THOC5: variants seen among roughly 807,000 people sequenced by gnomAD.
The protein encoded by THOC5 is THO complex subunit 5.
In THOC5, 43 loss-of-function variants were observed where a neutral mutation model predicts 92.9. The ratio of observed to expected loss-of-function variants is 0.46; its 90% CI spans 0.36 to 0.60. The LOEUF is 0.60. Among genes scored for constraint, THOC5 ranks in the 20% least tolerant of loss-of-function variants. The probability of loss-of-function intolerance (pLI) is 0.00; values close to 1 mark genes in which losing one functional copy is unlikely to be tolerated. For missense variants in THOC5, 659 were observed against 849.4 expected (o/e 0.78, Z 2.79); for synonymous variants, 296 against 320.1 (o/e 0.92, Z 0.80).
chr22:29,549,244 T>C (rs774044242), intron 1 of THOC5, 86 bp from the exon 2 acceptor site: 1 of 1,212,998 alleles, frequency 8.2e-7, no homozygotes, highest in South Asian at 1.3e-5. Context: ...ACAGACTTGG[T>C]AACTCAAGGA....
chr22:29,541,500 C>T (rs1307521650), intron 5 of THOC5, among the ~76,000 whole-genome samples: 1 of 126,958 alleles, frequency 7.9e-6, no homozygotes, highest in East Asian at 2.6e-4. Context: ...GAGTGAGACC[C>T]TGTCTCAAAA....
intron 18 of THOC5, 153 bp from the exon 19 acceptor site, chr22:29,511,449 G>C (rs907601096): frequency 2.8e-6 from 2 of 723,326 alleles, no homozygotes; most frequent in South Asian, 3.9e-5. Context: ...AGACTGGCTT[G>C]TCCTCAGGCC....
intron 12 of THOC5, among the ~76,000 whole-genome samples, chr22:29,522,865 G>C (rs1183121671): frequency 6.6e-6 from 1 of 152,116 alleles, no homozygotes; most frequent in Non-Finnish European, 1.5e-5. Flanking sequence ...GCCCAGCATG[G>C]TGGCACGCGC....
chr22:29,529,024 G>A (rs2063600479), intron 9 of THOC5, 138 bp downstream of exon 9: 2 of 820,338 alleles, frequency 2.4e-6, no homozygotes, highest in African/African-American at 1.7e-5. Context: ...TCTCTTTCCT[G>A]TCTACTCCAG....
At chr22:29,510,381 G>C (rs2063201284) in intron 19 of THOC5, among the ~76,000 whole-genome samples, 1 of 152,210 alleles carries the variant, frequency 6.6e-6, no homozygotes, top group Non-Finnish European at 1.5e-5. Flanking sequence ...CTGATCACTT[G>C]AGCCTAGGAG....
At chr22:29,547,220 G>T (rs1260680466) in intron 2 of THOC5, among the ~76,000 whole-genome samples, 1 of 152,122 alleles carries the variant, frequency 6.6e-6, no homozygotes, top group Admixed American at 6.5e-5. Flanking sequence ...CAAGTTCAAA[G>T]TTCCACAAAT....
intron 2 of THOC5, among the ~76,000 whole-genome samples, chr22:29,548,281 C>T (rs950600938): frequency 2.0e-5 from 3 of 152,070 alleles, no homozygotes; most frequent in Admixed American, 6.6e-5. Flanking sequence ...CAGCTGGGTG[C>T]GGGGTGGCTC....
intron 12 of THOC5, among the ~76,000 whole-genome samples, chr22:29,524,023 T>C (rs1266555328): frequency 6.6e-6 from 1 of 152,228 alleles, no homozygotes; most frequent in African/African-American, 2.4e-5. Flanking sequence ...GGTTGTATGC[T>C]CCCTGGACCT....
At chr22:29,520,962 G>C (rs2063429686) in intron 13 of THOC5, 36 bp downstream of exon 13, 1 of 1,531,226 alleles carries the variant, frequency 6.5e-7, no homozygotes, top group African/African-American at 1.4e-5. Context: ...AAACTCAGAA[G>C]TAGAGAGCTC....
chr22:29,515,509 T>C (rs552274310), intron 17 of THOC5, among the ~76,000 whole-genome samples: 5 of 152,230 alleles, frequency 3.3e-5, no homozygotes, highest in African/African-American at 1.2e-4. Flanking sequence ...GAGGTATGCC[T>C]GTACTTTATG....
At chr22:29,538,266 G>A (rs1246193902) in intron 6 of THOC5, among the ~76,000 whole-genome samples, 2 of 152,182 alleles carry the variant, frequency 1.3e-5, no homozygotes, top group Admixed American at 6.5e-5. Flanking sequence ...ACAGACGTGA[G>A]CCACCTCGCC....
chr22:29,536,783 A>G, intron 6 of THOC5, 45 bp from the exon 7 acceptor site: 2 of 1,030,154 alleles, frequency 1.9e-6, no homozygotes, highest in Non-Finnish European at 3.1e-6. Context: ...TCCCCCAGTG[A>G]TACCTCAACA....
At chr22:29,529,135 G>A in intron 9 of THOC5, 27 bp downstream of exon 9, 2 of 1,612,456 alleles carry the variant, frequency 1.2e-6, no homozygotes, top group Non-Finnish European at 1.7e-6. Context: ...GGTGTCCCTG[G>A]GGGACGAATC....
chr22:29,525,801 A>G (rs770456044), intron 12 of THOC5, 37 bp downstream of exon 12: 2 of 1,554,196 alleles, frequency 1.3e-6, no homozygotes, highest in Non-Finnish European at 8.9e-7. Context: ...TCACCTCCCC[A>G]TCCCGCACGT....
Position 29,520,036 on chromosome 22 carries a change from C to G in THOC5, c.1346G>C (p.Gly449Ala). Residue 449 changes from glycine to alanine, a missense_variant, in exon 14 of 20, where the codon GGC becomes GCC. Gly to Ala is a moderately conservative substitution (Grantham distance 60). Transcript: ENST00000490103. ...GGGCTGCTCTTTGGGGAAGTGGAGGCCACCCAGCTTCTGCACCCACAAATA... is the reference window on the plus strand; with the variant it reads ...GGGCTGCTCTTTGGGGAAGTGGAGGGCACCCAGCTTCTGCACCCACAAATA... ...HPYLWVQKLG[G>A]LHFPKEQPQQ... 1 of 1,613,632 alleles carries G rather than the reference C, an allele frequency of 6.2e-7. No individual in the cohort carries two copies. The highest frequency in any genetic ancestry group is 8.5e-7 in the Non-Finnish European group (1 of 1,179,866).
At position 29,525,862 on chromosome 22, in the gene THOC5, T is replaced by C. The variant is rs1569217318; in HGVS notation, c.1151A>G (p.Glu384Gly). 1.2e-6 allele frequency: 2 copies of C among 1,613,926 alleles called. No homozygotes were observed. Among genetic ancestry groups the C allele is most frequent in the Non-Finnish European group, 1.7e-6 (2 of 1,179,962 alleles). ...TVKAKVTTAM[E>G]LITPISAGDL... is the part of the protein sequence containing the mutation. ...CCCTGCACTGATGGGGGTGATCAGCTCCATGGCAGTTGTCACTTTGGCTTT... is the reference window on the plus strand; with the variant it reads ...CCCTGCACTGATGGGGGTGATCAGCCCCATGGCAGTTGTCACTTTGGCTTT... The change falls in exon 12 of 20, where the codon GAG becomes GGG. Residue 384 changes from glutamate (E) to glycine (G), a missense_variant. Glu to Gly is a moderately conservative substitution (Grantham distance 98, BLOSUM62 -2). Transcript: ENST00000490103.
chr22:29,552,152 C>A (rs1469891006), intron 1 of THOC5, among the ~76,000 whole-genome samples: 1 of 152,088 alleles, frequency 6.6e-6, no homozygotes, highest in Non-Finnish European at 1.5e-5. Flanking sequence ...CACCTCCCAG[C>A]CGCCTGCCTT....
At chr22:29,534,366 G>C (rs1412871333) in intron 7 of THOC5, among the ~76,000 whole-genome samples, 1 of 152,128 alleles carries the variant, frequency 6.6e-6, no homozygotes, top group Non-Finnish European at 1.5e-5. Context: ...TTATACAGAT[G>C]TGTTTGCTTA....
chr22:29,536,216 A>T (rs1032090732), intron 7 of THOC5: 2 of 164,864 alleles, frequency 1.2e-5, no homozygotes, highest in Non-Finnish European at 2.6e-5. Context: ...CCTCATGAGT[A>T]AAGTTTTTTT....
Sources: allele counts gnomAD v4.1 joint callset (sites outside exome capture counted in the v4.1 genomes callset), GRCh38; gene constraint gnomAD v4.1.1; transcripts MANE v1.5; gene names NCBI Gene and HGNC (gene_info 2026-07-23, HGNC 2026-07-21).